Variants in ROR1 observed in about 807,000 individuals in gnomAD.
The protein encoded by ROR1 is ROR family WNT receptor 1.
A neutral mutation model predicts 78.8 loss-of-function variants in ROR1; 19 were observed. The ratio of observed to expected loss-of-function variants is 0.24; its 90% CI spans 0.17 to 0.35. ROR1 has a LOEUF of 0.35. ROR1 is among the 10% of genes least tolerant of loss of function. ROR1 has a pLI of 1.00. For missense variants in ROR1, 917 were observed against 1,177.8 expected, an observed-to-expected ratio of 0.78 and a Z score of 3.24; for synonymous variants, 386 against 433.6, an observed-to-expected ratio of 0.89 and a Z score of 1.36.
intron 6 of ROR1, among the ~76,000 whole-genome samples, chr1:64,142,128 G>A (rs1362199732): frequency 2.0e-5 from 3 of 152,300 alleles, no homozygotes; most frequent in East Asian, 3.9e-4. Flanking sequence ...CCCCAGTTCC[G>A]ATTTCTTCTG....
In ROR1 at chr1:63,861,688, A is replaced by G. The variant is rs182329239; in HGVS notation, c.91+87180A>G. ...GGGCATATGATTGCCTTGCTGTTGG[A>G]AACATAGGAAATATGGTTTTTGGGG... is the stretch of plus-strand genomic sequence containing the variant. On this transcript the variant is annotated intron_variant, in intron 1 of 8. Coordinates refer to ENST00000371079, the MANE Select transcript of ROR1 (RefSeq NM_005012.4). Among the ~76,000 whole-genome samples, 564 of 152,316 alleles carry G rather than the reference A, an allele frequency of 3.7e-3. 4 individuals carry two copies. Among genetic ancestry groups the G allele is most frequent in the African/African-American group, 0.013 (548 of 41,564 alleles).
Position 63,864,180 on chromosome 1 carries a change from A to G in ROR1, c.91+89672A>G, listed in dbSNP as rs565309853. Among the ~76,000 whole-genome samples the G allele has an allele frequency of 1.4e-3, 209 of 152,322 alleles. 1 individual carries two copies. Among genetic ancestry groups the G allele is most frequent in the African/African-American group, 4.7e-3 (196 of 41,568 alleles). On this transcript the variant is annotated intron_variant, in intron 1 of 8. Coordinates refer to ENST00000371079, the MANE Select transcript of ROR1 (RefSeq NM_005012.4). ...CAAGAAATTAAGTAAAACTTATTCA[A>G]GATTACACAGCTATTAAGAGATGGA...
At chr1:63,842,877 G>C (rs528987334) in intron 1 of ROR1, among the ~76,000 whole-genome samples, 1 of 151,992 alleles carries the variant, frequency 6.6e-6, no homozygotes, top group African/African-American at 2.4e-5. Flanking sequence ...GGAGGAACAG[G>C]TTGGATGTGG....
intron 1 of ROR1, among the ~76,000 whole-genome samples, chr1:63,962,962 A>G (rs1557585133): frequency 6.6e-6 from 1 of 152,178 alleles, no homozygotes; most frequent in African/African-American, 2.4e-5. Flanking sequence ...TTGGACATAT[A>G]GGGTAGAGAT....
At chr1:64,080,766 CCTTCATTTG>C (rs1160230143) in intron 4 of ROR1, among the ~76,000 whole-genome samples, 2 of 152,156 alleles carry the variant, frequency 1.3e-5, no homozygotes, top group East Asian at 3.9e-4. Flanking sequence ...CACATGGTGC[CCTTCATTTG>C]CTTTTGAGTA....
At chr1:64,106,934 T>A (rs540165271) in intron 4 of ROR1, 1 of 152,526 alleles carries the variant, frequency 6.6e-6, no homozygotes, top group South Asian at 2.1e-4. Flanking sequence ...ACGTCAAAGG[T>A]CTAGAAGACC....
intron 4 of ROR1, among the ~76,000 whole-genome samples, chr1:64,080,359 A>G (rs1647090967): frequency 6.6e-6 from 1 of 152,176 alleles, no homozygotes; most frequent in Non-Finnish European, 1.5e-5. Flanking sequence ...GCTCTCAACA[A>G]AGAATCAGCC....
At chr1:63,786,538 C>T (rs1188744331) in intron 1 of ROR1, among the ~76,000 whole-genome samples, 1 of 145,708 alleles carries the variant, frequency 6.9e-6, no homozygotes, top group African/African-American at 2.6e-5. Flanking sequence ...TCCCAGAGTG[C>T]TGGGATTACA....
At chr1:63,871,825 CAGAAAATGAT>C (rs1645253402) in intron 1 of ROR1, among the ~76,000 whole-genome samples, 1 of 152,122 alleles carries the variant, frequency 6.6e-6, no homozygotes, top group African/African-American at 2.4e-5. Flanking sequence ...GGAAACCATC[CAGAAAATGAT>C]TAGGGAGCTT....
rs1022440983 is a variant in ROR1, at chr1:64,111,351, A to C, written c.483-26018A>C. ...ATCTGTGTCTCAGCCCCCTGCTCCA[A>C]GTTTAGCTCATCCATTACCTAAAAT... On this transcript the variant is annotated intron_variant, in intron 4 of 8. Transcript: ENST00000371079. 2.6e-5 allele frequency: 4 copies of C among 152,204 alleles called. No individual in the cohort carries two copies. The East Asian group carries it at 7.7e-4, about 29-fold the overall frequency. 9.4% of individuals were successfully genotyped at this position (152,204 alleles called of 1,614,324 possible). A position where few individuals can be genotyped will look rare whatever the true frequency, so the allele number is the denominator to read the frequency against.
intron 4 of ROR1, among the ~76,000 whole-genome samples, chr1:64,069,436 T>C (rs972715304): frequency 3.3e-5 from 5 of 152,054 alleles, no homozygotes; most frequent in African/African-American, 1.2e-4. Flanking sequence ...GGGCTAAAAA[T>C]AGAAATTCAG....
chr1:64,013,947 A>G (rs1358374433), intron 2 of ROR1, among the ~76,000 whole-genome samples: 2 of 152,266 alleles, frequency 1.3e-5, no homozygotes, highest in East Asian at 3.8e-4. Flanking sequence ...GGCGTGAGGC[A>G]CCTGCTAAGC....
chr1:64,153,122 A>C (rs970743407), intron 7 of ROR1, among the ~76,000 whole-genome samples: 2 of 152,234 alleles, frequency 1.3e-5, no homozygotes, highest in Admixed American at 1.3e-4. Context: ...GGACTTGAAT[A>C]GACATTCCTC....
At chr1:63,928,919 G>A (rs1428345832) in intron 1 of ROR1, among the ~76,000 whole-genome samples, 2 of 152,208 alleles carry the variant, frequency 1.3e-5, no homozygotes, top group Admixed American at 1.3e-4. Context: ...GACACAGTGT[G>A]CCCTCTGTCA....
chr1:64,123,347 T>C (rs912820141), intron 4 of ROR1, among the ~76,000 whole-genome samples: 6 of 152,192 alleles, frequency 3.9e-5, no homozygotes, highest in Admixed American at 2.6e-4. Flanking sequence ...CATTTTGGCA[T>C]TTAGTGGATT....
chr1:63,833,888 CTA>C (rs1334835422), intron 1 of ROR1, among the ~76,000 whole-genome samples: 1 of 151,204 alleles, frequency 6.6e-6, no homozygotes, highest in Non-Finnish European at 1.5e-5. Flanking sequence ...AATATAAAGA[CTA>C]TGCTTTACAA....
chr1:64,045,483 C>G (rs753207358), intron 2 of ROR1, among the ~76,000 whole-genome samples: 20 of 151,928 alleles, frequency 1.3e-4, no homozygotes, highest in Non-Finnish European at 1.8e-4. Context: ...AACTTTCTCC[C>G]CTCAGTGGCA....
At chr1:64,159,224 C>A in intron 8 of ROR1, 32 bp downstream of exon 8, 1 of 1,521,126 alleles carries the variant, frequency 6.6e-7, no homozygotes, top group South Asian at 1.1e-5. Flanking sequence ...TACATTTGTT[C>A]CGTGGGCTTC....
Position 63,832,660 on chromosome 1 carries a change from G to C in ROR1, c.91+58152G>C, listed in dbSNP as rs188546212. On this transcript the variant is annotated intron_variant, in intron 1 of 8. Transcript: ENST00000371079. ...GATTCAATGAGATAAAGCACAGTCA[G>C]TGCTGCTATAACAGTTGTTTTGAAA... 1.6e-4 allele frequency among the ~76,000 whole-genome samples: 24 copies of C among 152,198 alleles called. 2 individuals are homozygous for C. The highest frequency in any genetic ancestry group is 1.2e-3 in the East Asian group (6 of 5,188).
Sources: allele counts gnomAD v4.1 joint callset (sites outside exome capture counted in the v4.1 genomes callset), GRCh38; gene constraint gnomAD v4.1.1; transcripts MANE v1.5; gene names NCBI Gene and HGNC (gene_info 2026-07-23, HGNC 2026-07-21).